The following GLYR1 variants were observed in gnomAD, a reference collection of about 807,000 sequenced individuals.
The protein encoded by GLYR1 is glyoxylate reductase 1 homolog, also known as cytokine-like nuclear factor N-PAC.
A neutral mutation model predicts 72.7 loss-of-function variants in GLYR1; 21 were observed. That is an observed-to-expected ratio of 0.29 (90% CI 0.20 to 0.42). GLYR1 has a LOEUF of 0.42. Ranked by LOEUF, GLYR1 falls within the 10% of genes least tolerant of loss-of-function variation. GLYR1 has a pLI of 1.00. For missense variants in GLYR1, 594 were observed against 712.1 expected, an observed-to-expected ratio of 0.83 and a Z score of 1.89; for synonymous variants, 392 against 270.2, an observed-to-expected ratio of 1.45 and a Z score of -4.42.
intron 7 of GLYR1, among the ~76,000 whole-genome samples, chr16:4,822,492 G>C (rs111738126): frequency 6.6e-6 from 1 of 151,760 alleles, no homozygotes; most frequent in Admixed American, 6.6e-5. Flanking sequence ...CCGGGTTCAA[G>C]CAATTCTCCT....
intron 1 of GLYR1, 98 bp downstream of exon 1, chr16:4,847,130 G>C (rs1304464025): frequency 8.8e-7 from 1 of 1,139,380 alleles, no homozygotes; most frequent in Admixed American, 2.0e-5. Flanking sequence ...CCGCGACCTG[G>C]AGCGCATAAA....
At chr16:4,815,632 C>T (rs1286002731) in intron 10 of GLYR1, among the ~76,000 whole-genome samples, 1 of 152,198 alleles carries the variant, frequency 6.6e-6, no homozygotes, top group Non-Finnish European at 1.5e-5. Context: ...CAGATGACTT[C>T]CCAATGAGAC....
intron 15 of GLYR1, among the ~76,000 whole-genome samples, chr16:4,809,683 G>A (rs563326517): frequency 4.2e-4 from 64 of 151,220 alleles, no homozygotes; most frequent in African/African-American, 1.5e-3. Flanking sequence ...CAGCACTTTG[G>A]GAGGCTGAGG....
At chr16:4,811,509 C>A in intron 14 of GLYR1, 114 bp downstream of exon 14, 1 of 1,382,928 alleles carries the variant, frequency 7.2e-7, no homozygotes, top group Non-Finnish European at 1.0e-6. Flanking sequence ...CCTCCTCTGG[C>A]CAGGGTCAGG....
intron 12 of GLYR1, 80 bp from the exon 13 acceptor site, chr16:4,812,328 T>C (rs371737435): frequency 4.2e-6 from 6 of 1,443,128 alleles, no homozygotes; most frequent in South Asian, 1.4e-5. Flanking sequence ...TGTTGCTGAG[T>C]GGCCACGGCT....
rs73515167 is a variant in GLYR1, at chr16:4,814,670, C to T, written c.907-23G>A. ...ACACTGCAAAAGTCACAGATCCTAA[C>T]GTGAGCTGCAGGCAGTGCACAACAA... On this transcript the variant is annotated intron_variant, in intron 10 of 15. Coordinates refer to ENST00000321919, the MANE Select transcript of GLYR1 (RefSeq NM_032569.4). 1.3e-3 allele frequency: 2,062 copies of T among 1,557,892 alleles called. 33 individuals are homozygous for T. In the African/African-American group the frequency reaches 0.025, roughly 19 times the overall value.
rs1219238880 is a variant in GLYR1 at position 4,824,536 on chromosome 16, G to A, written c.538-629C>T. 2.0e-5 allele frequency among the ~76,000 whole-genome samples: 3 copies of A among 151,354 alleles called. No individual in the cohort carries two copies. The East Asian group carries it at 5.8e-4, about 29-fold the overall frequency. ...AAAAAGAAAAAAAAGAAACAGTAGTGGCTTCAGAAGGAATCCGCCATATTT... is the reference window on the plus strand; with the variant it reads ...AAAAAGAAAAAAAAGAAACAGTAGTAGCTTCAGAAGGAATCCGCCATATTT... On this transcript the variant is annotated intron_variant, in intron 5 of 15. Coordinates refer to ENST00000321919, the MANE Select transcript of GLYR1 (RefSeq NM_032569.4).
intron 3 of GLYR1, chr16:4,839,586 A>C (rs1318303653): frequency 6.6e-6 from 1 of 152,158 alleles, no homozygotes; most frequent in Non-Finnish European, 1.5e-5. Context: ...TTACGTGGGC[A>C]GTTTTGTCTT....
chr16:4,838,727 C>T (rs538749855), intron 3 of GLYR1, among the ~76,000 whole-genome samples: 197 of 152,156 alleles, frequency 1.3e-3, no homozygotes, highest in South Asian at 3.1e-3. Context: ...GCTGGGACTA[C>T]AGGTGCCCGC....
At chr16:4,816,286 G>T (rs537311586) in intron 10 of GLYR1, among the ~76,000 whole-genome samples, 1 of 152,110 alleles carries the variant, frequency 6.6e-6, no homozygotes, top group Non-Finnish European at 1.5e-5. Flanking sequence ...TGGGACTATA[G>T]TAGGCAGGTG....
chr16:4,812,100 G>A lies in GLYR1; in HGVS notation c.1268C>T (p.Thr423Ile). 2 of 1,613,818 alleles carry A rather than the reference G, an allele frequency of 1.2e-6. No homozygotes were observed. Among genetic ancestry groups the A allele is most frequent in the Non-Finnish European group, 1.7e-6 (2 of 1,179,854 alleles). Reference sequence around the variant, plus strand: ...AGGCGTGTTACCTAGGAAGAAGGAGGTCTTCCCCATCGCCTGGAAGCAGCT... The same window carrying A: ...AGGCGTGTTACCTAGGAAGAAGGAGATCTTCCCCATCGCCTGGAAGCAGCT... ...CSSCFQAMGK[T>I]SFFLGEVGNA... The change falls in exon 13 of 16, where the codon ACC becomes ATC. Residue 423 changes from threonine (T) to isoleucine (I), a missense_variant. Transcript: ENST00000321919.
rs1040490849 is a variant in GLYR1, at chr16:4,827,666, C to T, written c.538-3759G>A. Among the ~76,000 whole-genome samples, 23 of 152,142 alleles carry T rather than the reference C, an allele frequency of 1.5e-4. No homozygotes were observed. The East Asian group carries it at 2.7e-3, about 18-fold the overall frequency. On this transcript the variant is annotated intron_variant, in intron 5 of 15. Transcript: ENST00000321919. Reference sequence around the variant, plus strand: ...CTGTCATCCCAGCACTTTGGGAGGCCGAGGCAGGTGGATCATGAGGTCAGG... The same window carrying T: ...CTGTCATCCCAGCACTTTGGGAGGCTGAGGCAGGTGGATCATGAGGTCAGG...
intron 3 of GLYR1, chr16:4,839,711 A>G (rs538623072): frequency 6.6e-6 from 1 of 152,346 alleles, no homozygotes; most frequent in East Asian, 1.9e-4. Flanking sequence ...AATTTGTTAG[A>G]TATTTTGGCA....
chr16:4,819,503 G>A (rs1204111544), intron 9 of GLYR1, among the ~76,000 whole-genome samples: 3 of 152,076 alleles, frequency 2.0e-5, no homozygotes, highest in African/African-American at 7.2e-5. Flanking sequence ...TAGAGACGGG[G>A]TCTTGCTGTA....
In GLYR1 at chr16:4,814,517, G is replaced by T; in HGVS notation, c.1017+20C>A. 6.3e-7 allele frequency: 1 copy of T among 1,591,634 alleles called. No individual in the cohort carries two copies. Among genetic ancestry groups the T allele is most frequent in the African/African-American group, 1.3e-5 (1 of 74,582 alleles). Reference sequence around the variant, plus strand: ...CTGGCTGTGACCCGGAGTTGCTGAGGGGAGGGAGGGGGTCCTTACGTCCTT... The same window carrying T: ...CTGGCTGTGACCCGGAGTTGCTGAGTGGAGGGAGGGGGTCCTTACGTCCTT... On this transcript the variant is annotated intron_variant, in intron 11 of 15. Transcript: ENST00000321919.
At chr16:4,811,920 C>A in intron 13 of GLYR1, 118 bp from the exon 14 acceptor site, 1 of 1,412,562 alleles carries the variant, frequency 7.1e-7, no homozygotes, top group Non-Finnish European at 9.5e-7. Flanking sequence ...TTCACCTGCC[C>A]CCGACAGACT....
chr16:4,828,626 C>G (rs901770871), intron 5 of GLYR1, among the ~76,000 whole-genome samples: 2 of 152,062 alleles, frequency 1.3e-5, no homozygotes, highest in Admixed American at 6.6e-5. Context: ...GGGGTTCTCA[C>G]TGTACAAACG....
Position 4,847,209 on chromosome 16 carries a change from C to G in GLYR1, c.38+19G>C. The G allele has an allele frequency of 6.3e-7, 1 of 1,598,470 alleles. No homozygotes were observed. The highest frequency in any genetic ancestry group is 1.3e-5 in the African/African-American group (1 of 74,238). On this transcript the variant is annotated intron_variant, in intron 1 of 15. Transcript: ENST00000321919. The stretch of plus-strand genomic sequence containing the variant: ...TAGCTCCCCGGCGCGTCTCGGTTGG[C>G]CCGGCCGCTCGGACTCACCACACCA...
chr16:4,817,411 G>A (rs578128719), intron 10 of GLYR1, among the ~76,000 whole-genome samples, 187 bp downstream of exon 10: 1 of 152,200 alleles, frequency 6.6e-6, no homozygotes, highest in South Asian at 2.1e-4. Context: ...GAGCCACCGC[G>A]CCAGGCAAAT....
Sources: allele counts gnomAD v4.1 joint callset (sites outside exome capture counted in the v4.1 genomes callset), GRCh38; gene constraint gnomAD v4.1.1; transcripts MANE v1.5; gene names NCBI Gene and HGNC (gene_info 2026-07-23, HGNC 2026-07-21).